The following RNF111 variants were observed in gnomAD, a reference collection of about 807,000 sequenced individuals.
RNF111 encodes ring finger protein 111.
RNF111 carries 17 observed loss-of-function variants against 95.1 expected under a neutral mutation model. The observed-to-expected ratio is 0.18, with a 90% confidence interval of 0.12 to 0.27. The LOEUF (loss-of-function observed/expected upper bound fraction) is 0.27, where lower values mean the gene tolerates loss of function less well. RNF111 is among the 10% of genes least tolerant of loss of function. RNF111 has a pLI of 1.00. For missense variants in RNF111, 1,189 were observed against 1,210.4 expected (o/e 0.98, Z 0.26); for synonymous variants, 440 against 414.8 (o/e 1.06, Z -0.74).
chr15:59,094,199 C>T (rs192004007), intron 13 of RNF111, among the ~76,000 whole-genome samples: 5 of 151,946 alleles, frequency 3.3e-5, no homozygotes, highest in Admixed American at 6.6e-5. Flanking sequence ...ACAATTATTC[C>T]GTGAAAAAAG....
chr15:59,076,064 T>A lies in RNF111; in HGVS notation c.1797T>A (p.Ala599=). The change falls in exon 7 of 14, where the codon GCT becomes GCA. Residue 599 remains alanine, a synonymous_variant. Coordinates refer to ENST00000348370, the MANE Select transcript of RNF111 (RefSeq NM_017610.8). ...DPCCPVSSSR[A]AIFGHQAAAA... is the part of the protein sequence containing the mutation. The stretch of plus-strand genomic sequence containing the variant: ...GCTGCCCTGTTTCTTCCTCCCGAGC[T>A]GCAATCTTTGGCCATCAGGCCGCTG... The A allele has an allele frequency of 6.2e-7, 1 of 1,614,244 alleles. No homozygotes were observed. Among genetic ancestry groups the A allele is most frequent in the Non-Finnish European group, 8.5e-7 (1 of 1,180,042 alleles).
chr15:59,061,992 C>G (rs2042457778), intron 5 of RNF111, among the ~76,000 whole-genome samples: 1 of 151,644 alleles, frequency 6.6e-6, no homozygotes, highest in Admixed American at 6.6e-5. Flanking sequence ...TCACCTATCA[C>G]TAGTATGCTG....
chr15:59,044,636 C>T (rs1412313893), intron 2 of RNF111, among the ~76,000 whole-genome samples: 1 of 151,778 alleles, frequency 6.6e-6, no homozygotes, highest in African/African-American at 2.4e-5. Flanking sequence ...AAAAACAATT[C>T]GAAGAAAATC....
In RNF111 at chr15:59,085,658, G is replaced by T; in HGVS notation, c.2424-1G>T. The stretch of plus-strand genomic sequence containing the variant: ...TTAAACTGTTCTCATCCTTTCGTTA[G>T]GGAACTGGGAATTGAAGCTGGAGTG... On this transcript the variant is annotated splice_acceptor_variant, in intron 9 of 13. Transcript: ENST00000348370. LOFTEE classifies it high-confidence loss of function. The T allele has an allele frequency of 6.2e-7, 1 of 1,612,642 alleles. No homozygotes were observed. The highest frequency in any genetic ancestry group is 1.1e-5 in the South Asian group (1 of 90,904).
At position 59,058,382 on chromosome 15, in the gene RNF111, G is replaced by A; in HGVS notation, c.1198G>A (p.Ala400Thr). The A allele has an allele frequency of 6.2e-7, 1 of 1,613,980 alleles. No individual in the cohort carries two copies. Among genetic ancestry groups the A allele is most frequent in the Non-Finnish European group, 8.5e-7 (1 of 1,179,942 alleles). The change falls in exon 5 of 14, where the codon GCA (alanine) becomes ACA (threonine). Residue 400 changes from alanine to threonine, a missense_variant. By Grantham distance (58) the Ala-to-Thr change is moderately conservative. Around this residue, in one of 2 missense-constraint regions of RNF111, gnomAD observed 1,024 missense variants for 925.9 expected, o/e 1.11. Transcript: ENST00000348370. Reference protein sequence around the residue: ...DEPTVVPTTSARMESQATSAS... With the variant: ...DEPTVVPTTSTRMESQATSAS... The stretch of plus-strand genomic sequence containing the variant: ...ACCTACTGTAGTACCAACCACTTCT[G>A]CAAGAATGGAATCACAAGCTACTAG...
At chr15:59,075,822 C>A in intron 6 of RNF111, 132 bp from the exon 7 acceptor site, 1 of 958,558 alleles carries the variant, frequency 1.0e-6, no homozygotes, top group Non-Finnish European at 1.5e-6. Context: ...GTTCTTCATA[C>A]TAAGAATCTT....
At chr15:59,089,543 A>G (rs1030048937) in intron 10 of RNF111, 124 bp from the exon 11 acceptor site, 1 of 733,252 alleles carries the variant, frequency 1.4e-6, no homozygotes. Flanking sequence ...ATGTATTCTT[A>G]TTGAAGTCAA....
intron 1 of RNF111, among the ~76,000 whole-genome samples, chr15:58,989,462 A>G (rs1445927038): frequency 6.6e-6 from 1 of 152,198 alleles, no homozygotes; most frequent in Non-Finnish European, 1.5e-5. Context: ...AATCTAAATA[A>G]TATTTTAGGA....
intron 2 of RNF111, among the ~76,000 whole-genome samples, chr15:59,036,121 G>A (rs2041165313): frequency 6.6e-6 from 1 of 152,076 alleles, no homozygotes; most frequent in Non-Finnish European, 1.5e-5. Context: ...GGCCCAGGCT[G>A]CTGGAGTGCA....
intron 1 of RNF111, among the ~76,000 whole-genome samples, chr15:59,029,595 A>G (rs114466785): frequency 9.6e-4 from 146 of 152,360 alleles, no homozygotes; most frequent in African/African-American, 3.4e-3. Context: ...GTAAGATTAT[A>G]TATTTCTGTA....
intron 2 of RNF111, among the ~76,000 whole-genome samples, chr15:59,043,146 A>G (rs2041546110): frequency 6.6e-6 from 1 of 151,356 alleles, no homozygotes; most frequent in Non-Finnish European, 1.5e-5. Flanking sequence ...TTTAAAGTGT[A>G]CAATTTAGTA....
At chr15:59,056,679 A>G (rs935834605) in intron 4 of RNF111, among the ~76,000 whole-genome samples, 5 of 152,218 alleles carry the variant, frequency 3.3e-5, no homozygotes, top group African/African-American at 1.2e-4. Context: ...TCAGAGTATC[A>G]GTACCCAGTT....
At position 59,028,888 on chromosome 15, in the gene RNF111, T is replaced by C. The variant is rs1278865125; in HGVS notation, c.-19-1916T>C. On this transcript the variant is annotated intron_variant, in intron 1 of 13. Coordinates refer to ENST00000348370, the MANE Select transcript of RNF111 (RefSeq NM_017610.8). Reference sequence around the variant, plus strand: ...TCTGCCTCCCAGGTTCAAGCGATTCTCATGCTTCAGCCTCCCAAGTAGCTG... The same window carrying C: ...TCTGCCTCCCAGGTTCAAGCGATTCCCATGCTTCAGCCTCCCAAGTAGCTG... 2.0e-5 allele frequency among the ~76,000 whole-genome samples: 3 copies of C among 151,996 alleles called. No individual in the cohort carries two copies. In the East Asian group the frequency reaches 5.8e-4, roughly 29 times the overall value.
At chr15:59,027,295 C>T (rs926672901) in intron 1 of RNF111, among the ~76,000 whole-genome samples, 1 of 152,168 alleles carries the variant, frequency 6.6e-6, no homozygotes, top group Non-Finnish European at 1.5e-5. Flanking sequence ...CCAGCTGTTT[C>T]CAACATACAT....
intron 1 of RNF111, among the ~76,000 whole-genome samples, chr15:58,999,559 C>T (rs1326309449): frequency 1.3e-5 from 2 of 152,186 alleles, no homozygotes; most frequent in African/African-American, 4.8e-5. Context: ...TGGTCTCGAA[C>T]TCCTGACCTC....
At chr15:59,068,787 T>A (rs1194600035) in intron 6 of RNF111, among the ~76,000 whole-genome samples, 1 of 151,720 alleles carries the variant, frequency 6.6e-6, no homozygotes, top group East Asian at 1.9e-4. Context: ...TTAAAAATAA[T>A]TAACAAGGGC....
At chr15:59,050,807 A>G (rs1354427286) in intron 2 of RNF111, among the ~76,000 whole-genome samples, 1 of 152,188 alleles carries the variant, frequency 6.6e-6, no homozygotes, top group Non-Finnish European at 1.5e-5. Flanking sequence ...CCTTTTAGCA[A>G]AGTTTTAAAC....
At chr15:59,056,640 G>A (rs1472875760) in intron 4 of RNF111, among the ~76,000 whole-genome samples, 2 of 152,090 alleles carry the variant, frequency 1.3e-5, no homozygotes, top group East Asian at 1.9e-4. Context: ...TCTTCTATGG[G>A]CTATTTGCAG....
chr15:59,019,105 A>ATTTTTTTTTTTTTTTTT (rs35154303), intron 1 of RNF111, among the ~76,000 whole-genome samples: 2 of 121,286 alleles, frequency 1.6e-5, no homozygotes, highest in East Asian at 2.4e-4. Flanking sequence ...GTATTTTTGT[A>ATTTTTTTTTTTTTTTTT]TTTTTTTTTT....
Sources: gnomAD v4.1 joint callset for allele counts (sites outside exome capture counted in the v4.1 genomes callset) on GRCh38, gnomAD v4.1.1 for gene constraint, gnomAD v4.1.1 regional missense constraint, MANE v1.5 for transcripts, NCBI Gene and HGNC (gene_info 2026-07-23, HGNC 2026-07-21) for gene names.